SH2B1: variants seen among roughly 807,000 people sequenced by gnomAD.
The protein encoded by SH2B1 is SH2B adaptor protein 1.
A neutral mutation model predicts 62.6 loss-of-function variants in SH2B1; 15 were observed. The observed-to-expected ratio is 0.24, with a 90% CI of 0.16 to 0.37. The LOEUF (loss-of-function observed/expected upper bound fraction) is 0.37, where lower values mean the gene tolerates loss of function less well. Ranked by LOEUF, SH2B1 falls within the 10% of genes least tolerant of loss-of-function variation. The probability of loss-of-function intolerance (pLI) is 1.00; values close to 1 mark genes in which losing one functional copy is unlikely to be tolerated. For missense variants in SH2B1, 925 were observed against 1,015.6 expected (o/e 0.91, Z 1.21); for synonymous variants, 443 against 438.0 (o/e 1.01, Z -0.14).
In SH2B1 at chr16:28,865,961, G is replaced by A. The variant is rs1280282883; in HGVS notation, c.-134G>A. On this transcript the variant is annotated 5_prime_UTR_variant, in exon 1 of 8. Transcript: ENST00000684370. ...TGGCTGGGGGTGGGATGCAGCCTCC[G>A]GTGCGCCCTCAGCAGTGACCCTCGT... The A allele has an allele frequency of 2.7e-6, 4 of 1,454,872 alleles. No homozygotes were observed. Among genetic ancestry groups the A allele is most frequent in the African/African-American group, 1.4e-5 (1 of 70,436 alleles). The allele number at this position is 1,454,872 out of a possible 1,614,324, so 90.1% of individuals were successfully genotyped here. A position where few individuals can be genotyped will look rare whatever the true frequency, so the allele number is the denominator to read the frequency against.
chr16:28,859,736 GAA>G (rs1962395201), upstream of SH2B1, among the ~76,000 whole-genome samples: 2 of 151,702 alleles, frequency 1.3e-5, no homozygotes, highest in African/African-American at 4.8e-5. Flanking sequence ...GAGAGAAAAA[GAA>G]AGAAAGTCCA....
At chr16:28,863,528 C>A, upstream of SH2B1, 1 of 713,344 alleles carries the variant, frequency 1.4e-6, no homozygotes, top group South Asian at 1.9e-5. Flanking sequence ...GCTACTCTAG[C>A]CCTCAGCCGG....
At position 28,869,295 on chromosome 16, in the gene SH2B1, G is replaced by T; in HGVS notation, c.1221G>T (p.Leu407=). The T allele has an allele frequency of 6.2e-7, 1 of 1,614,040 alleles. No individual in the cohort carries two copies. ...TTACAAGGGAGAACACAGACAGCCTGGAGCTGTCCTGCCTGAATCACTCGG... is the reference window on the plus strand; with the variant it reads ...TTACAAGGGAGAACACAGACAGCCTTGAGCTGTCCTGCCTGAATCACTCGG... ...SFLTRENTDS[L]ELSCLNHSES... is the part of the protein sequence containing the mutation. Residue 407 remains leucine (L), a synonymous_variant, in exon 4 of 8, where the codon CTG becomes CTT. Coordinates refer to ENST00000684370, the MANE Select transcript of SH2B1 (RefSeq NM_001387430.1).
Position 28,852,314 on chromosome 16 carries a change from T to A in SH2B1, c.-301+5487T>A, listed in dbSNP as rs1443018375. Among the ~76,000 whole-genome samples the A allele has an allele frequency of 2.8e-4, 19 of 67,990 alleles. 1 individual carries two copies. The highest frequency in any genetic ancestry group is 6.2e-4 in the African/African-American group (11 of 17,880). 44.6% of individuals were successfully genotyped at this position (67,990 alleles called of 152,430 possible). A position where few individuals can be genotyped will look rare whatever the true frequency, so the allele number is the denominator to read the frequency against. On this transcript the variant is annotated intron_variant, in intron 1 of 10. Coordinates refer to the SH2B1 transcript ENST00000322610. ...CATATATATATTTACATATATATAT[T>A]TACATATATATATTTACATATATAT...
Position 28,873,573 on chromosome 16 carries a change from A to T in SH2B1, c.2024A>T (p.Lys675Ile). 6.3e-7 allele frequency: 1 copy of T among 1,586,406 alleles called. No homozygotes were observed. Among genetic ancestry groups the T allele is most frequent in the Non-Finnish European group, 8.6e-7 (1 of 1,166,696 alleles). The change falls in exon 8 of 8, where the codon AAA (lysine) becomes ATA (isoleucine). Residue 675 changes from lysine to isoleucine, a missense_variant. By Grantham distance (102) the Lys-to-Ile change is moderately radical. This residue lies in a region of SH2B1 where 185 missense variants were observed against 189.5 expected (regional missense o/e 0.98). Transcript: ENST00000684370. The surrounding 1 kb of genome is among the most constrained non-coding windows in gnomAD (Gnocchi z 4.2). ...EVAAAAAAAA[K>I]ERQEKEKAGG... Reference sequence around the variant, plus strand: ...GCGGCAGCAGCAGCCGCAGCAGCCAAAGAGAGGCAAGAGAAAGAGAAAGCG... The same window carrying T: ...GCGGCAGCAGCAGCCGCAGCAGCCATAGAGAGGCAAGAGAAAGAGAAAGCG...
intron 1 of SH2B1, among the ~76,000 whole-genome samples, chr16:28,852,830 A>ATATATATACATATATATATATT (rs1962193970): frequency 9.3e-5 from 1 of 10,734 alleles, no homozygotes; most frequent in Middle Eastern, 0.05. Context: ...ATATATATTT[A>ATATATATACATATATATATATT]TATATATATA....
rs775176697 is a variant in SH2B1 at position 28,865,214 on chromosome 16, C to T, written c.-881C>T. Reference sequence around the variant, plus strand: ...CTTGACCTGAGCCAACCCAGTTTCTCCTCTGGGGCCCCTGCGGCCTCTGGC... The same window carrying T: ...CTTGACCTGAGCCAACCCAGTTTCTTCTCTGGGGCCCCTGCGGCCTCTGGC... On this transcript the variant is annotated 5_prime_UTR_variant, in exon 1 of 8. Transcript: ENST00000684370. 3 of 985,512 alleles carry T rather than the reference C, an allele frequency of 3.0e-6. No homozygotes were observed. The highest frequency in any genetic ancestry group is 1.7e-5 in the African/African-American group (1 of 57,254). The allele number at this position is 985,512 out of a possible 1,614,324, so 61.0% of individuals were successfully genotyped here.
chr16:28,853,303 T>G (rs1462697595), intron 1 of SH2B1, among the ~76,000 whole-genome samples: 1 of 148,610 alleles, frequency 6.7e-6, no homozygotes, highest in East Asian at 2.0e-4. Context: ...GCCTGCCAGG[T>G]TGAAGCAATT....
chr16:28,853,276 T>C (rs1374950415), intron 1 of SH2B1, among the ~76,000 whole-genome samples: 1 of 147,678 alleles, frequency 6.8e-6, no homozygotes, highest in East Asian at 2.0e-4. Flanking sequence ...GGCTGGGCAC[T>C]GCAACCTGCA....
chr16:28,866,779 G>C lies in SH2B1; in HGVS notation c.685G>C (p.Glu229Gln), dbSNP rs1962734440. The change falls in exon 1 of 8, where the codon GAG becomes CAG. Residue 229 changes from glutamate (E) to glutamine (Q), a missense_variant. By Grantham distance (29) the Glu-to-Gln change is conservative. This residue lies in a region of SH2B1 where 683 missense variants were observed against 704.0 expected (regional missense o/e 0.97). Coordinates refer to ENST00000684370, the MANE Select transcript of SH2B1 (RefSeq NM_001387430.1). The surrounding 1 kb of genome is among the most constrained non-coding windows in gnomAD (Gnocchi z 6.3). Reference protein sequence around the residue: ...SPGERWTHRFERLRLSRGGGA... With the variant: ...SPGERWTHRFQRLRLSRGGGA... The stretch of plus-strand genomic sequence containing the variant: ...TGGGGAAAGATGGACTCACCGTTTT[G>C]AGAGGCTGAGACTCAGTCGGGGAGG... 1.3e-6 allele frequency: 2 copies of C among 1,580,574 alleles called. No individual in the cohort carries two copies. Among genetic ancestry groups the C allele is most frequent in the African/African-American group, 1.3e-5 (1 of 74,092 alleles).
At position 28,866,602 on chromosome 16, in the gene SH2B1, C is replaced by T. The variant is rs1265257964; in HGVS notation, c.508C>T (p.Leu170=). The T allele has an allele frequency of 6.2e-7, 1 of 1,613,954 alleles. No homozygotes were observed. Among genetic ancestry groups the T allele is most frequent in the African/African-American group, 1.3e-5 (1 of 74,918 alleles). Residue 170 remains leucine, a synonymous_variant, in exon 1 of 8, where the codon CTG becomes TTG. Transcript: ENST00000684370. The surrounding 1 kb of genome is among the most constrained non-coding windows in gnomAD (Gnocchi z 6.3). The stretch of plus-strand genomic sequence containing the variant: ...TGTCCGAGGCTCAGTCCGTGGCATC[C>T]TGCAGTGGCGGGGGACCGTTGACCC... ...RSVRGSVRGI[L]QWRGTVDPPS...
chr16:28,867,163 C>T, intron 1 of SH2B1, 130 bp downstream of exon 1: 1 of 1,399,970 alleles, frequency 7.1e-7, no homozygotes, highest in Non-Finnish European at 9.8e-7. Flanking sequence ...GTTGGTAAAG[C>T]TGGCTCTTGG....
Position 28,873,758 on chromosome 16 carries a change from G to T in SH2B1, c.2209G>T (p.Gly737Trp). 1 of 1,477,460 alleles carries T rather than the reference G, an allele frequency of 6.8e-7. No homozygotes were observed. 91.5% of individuals were successfully genotyped at this position (1,477,460 alleles called of 1,614,324 possible). The change falls in exon 8 of 8, where the codon GGG becomes TGG. Residue 737 changes from glycine to tryptophan, a missense_variant. Gly to Trp is a radical substitution (Grantham distance 184). Transcript: ENST00000684370. This position sits in a 1 kb window ranked among gnomAD's most constrained non-coding sequence, Gnocchi z 4.2. Reference sequence around the variant, plus strand: ...GGTGCAGCTGCAGCAGTCACCACTAGGGGGTGATGGAGAGGAAGGGGGCCA... The same window carrying T: ...GGTGCAGCTGCAGCAGTCACCACTATGGGGTGATGGAGAGGAAGGGGGCCA... Reference protein sequence around the residue: ...PMVQLQQSPLGGDGEEGGHPR... With the variant: ...PMVQLQQSPLWGDGEEGGHPR...
chr16:28,865,273 T>C lies in SH2B1; in HGVS notation c.-822T>C. ...GAAGGGATACCAAAGAAGTGGGCTGTAGCTATTTCACATCTCCTTCACGCA... is the reference window on the plus strand; with the variant it reads ...GAAGGGATACCAAAGAAGTGGGCTGCAGCTATTTCACATCTCCTTCACGCA... On this transcript the variant is annotated 5_prime_UTR_variant, in exon 1 of 8. Coordinates refer to ENST00000684370, the MANE Select transcript of SH2B1 (RefSeq NM_001387430.1). 2.0e-6 allele frequency: 2 copies of C among 985,678 alleles called. No individual in the cohort carries two copies. Among genetic ancestry groups the C allele is most frequent in the Non-Finnish European group, 2.4e-6 (2 of 829,990 alleles). 61.1% of individuals were successfully genotyped at this position (985,678 alleles called of 1,614,324 possible). A position where few individuals can be genotyped will look rare whatever the true frequency, so the allele number is the denominator to read the frequency against.
At chr16:28,855,806 A>ATTTTTTTTTTT (rs746171586) in intron 1 of SH2B1, among the ~76,000 whole-genome samples, 6 of 102,398 alleles carry the variant, frequency 5.9e-5, no homozygotes, top group East Asian at 2.9e-4. Flanking sequence ...CGCCCGGCTA[A>ATTTTTTTTTTT]TTTTTTTTTT....
At chr16:28,867,977 C>T (rs1177454586) in intron 2 of SH2B1, among the ~76,000 whole-genome samples, 1 of 152,082 alleles carries the variant, frequency 6.6e-6, no homozygotes, top group Non-Finnish European at 1.5e-5. Flanking sequence ...TACAGGCATG[C>T]ACCACTATGC....
rs534843240 is a variant in SH2B1 at position 28,872,308 on chromosome 16, C to T, written c.1632C>T (p.Gly544=). 5.8e-5 allele frequency: 94 copies of T among 1,613,970 alleles called. No homozygotes were observed. Among genetic ancestry groups the T allele is most frequent in the African/African-American group, 2.5e-4 (19 of 75,048 alleles). Residue 544 remains glycine, a synonymous_variant, in exon 6 of 8, where the codon GGC becomes GGT. Coordinates refer to ENST00000684370, the MANE Select transcript of SH2B1 (RefSeq NM_001387430.1). This position sits in a 1 kb window ranked among gnomAD's most constrained non-coding sequence, Gnocchi z 5.3. ...AGGCTGCACAGTTGGTGCTGACTGG[C>T]GGCACTGGCTCCCACGGTGTCTTCC... ...RLKAAQLVLT[G]GTGSHGVFLV...
Position 28,873,815 on chromosome 16 carries a change from G to C in SH2B1, c.2266G>C (p.Val756Leu), listed in dbSNP as rs1384292464. 2 of 1,437,162 alleles carry C rather than the reference G, an allele frequency of 1.4e-6. No homozygotes were observed. The highest frequency in any genetic ancestry group is 1.8e-6 in the Non-Finnish European group (2 of 1,097,202). The allele number at this position is 1,437,162 out of a possible 1,614,324, so 89.0% of individuals were successfully genotyped here. The change falls in exon 8 of 8, where the codon GTG becomes CTG. Residue 756 changes from valine (V) to leucine (L), a missense_variant. Coordinates refer to ENST00000684370, the MANE Select transcript of SH2B1 (RefSeq NM_001387430.1). This position sits in a 1 kb window ranked among gnomAD's most constrained non-coding sequence, Gnocchi z 4.2. ...PRAINNQYSF[V>L] Reference sequence around the variant, plus strand: ...GGCCATTAACAACCAGTACTCCTTCGTGTGAGCCAACCCCACCCGCTCCAC... The same window carrying C: ...GGCCATTAACAACCAGTACTCCTTCCTGTGAGCCAACCCCACCCGCTCCAC...
chr16:28,854,985 C>T (rs1303395860), intron 1 of SH2B1, among the ~76,000 whole-genome samples: 3 of 151,792 alleles, frequency 2.0e-5, no homozygotes, highest in African/African-American at 4.8e-5. Context: ...AAGCGATTCT[C>T]CTGCCTCAGC....
Sources: allele counts gnomAD v4.1 joint callset (sites outside exome capture counted in the v4.1 genomes callset), GRCh38; gene constraint gnomAD v4.1.1; regional missense constraint gnomAD v4.1.1; non-coding constraint Gnocchi (gnomAD v3.1); transcripts MANE v1.5; gene names NCBI Gene and HGNC (gene_info 2026-07-23, HGNC 2026-07-21).